The following HMCN1 variants were observed in gnomAD, a reference collection of about 807,000 sequenced individuals.
HMCN1 encodes the protein hemicentin-1.
A neutral mutation model predicts 625.9 loss-of-function variants in HMCN1; 321 were observed. The ratio of observed to expected loss-of-function variants is 0.51; its 90% CI spans 0.47 to 0.56. The LOEUF (loss-of-function observed/expected upper bound fraction) is 0.56, where lower values mean the gene tolerates loss of function less well. Among genes scored for constraint, HMCN1 ranks in the 20% least tolerant of loss-of-function variants. The pLI, the probability that HMCN1 is intolerant of heterozygous loss-of-function variation, is 0.00. For missense variants in HMCN1, 6,588 were observed against 6,887.3 expected, an observed-to-expected ratio of 0.96 and a Z score of 1.54; for synonymous variants, 2,425 against 2,417.6, an observed-to-expected ratio of 1.00 and a Z score of -0.09.
intron 1 of HMCN1, among the ~76,000 whole-genome samples, chr1:185,832,357 A>G (rs1405452126): frequency 6.6e-6 from 1 of 152,160 alleles, no homozygotes; most frequent in Non-Finnish European, 1.5e-5. Context: ...GGCCAGAAAA[A>G]TTTAGCAAAA....
At chr1:186,117,662 A>T (rs1661200587) in intron 77 of HMCN1, 39 bp downstream of exon 77, 1 of 1,582,584 alleles carries the variant, frequency 6.3e-7, no homozygotes, top group African/African-American at 1.3e-5. Flanking sequence ...TATTGATTGT[A>T]TTATTTATTG....
intron 86 of HMCN1, among the ~76,000 whole-genome samples, chr1:186,134,534 G>A (rs1649475620): frequency 6.6e-6 from 1 of 152,096 alleles, no homozygotes; most frequent in Admixed American, 6.6e-5. Context: ...ATTGTGTAGG[G>A]TGATGAGCAT....
At chr1:186,177,794 T>C (rs1261759043) in intron 103 of HMCN1, among the ~76,000 whole-genome samples, 1 of 152,138 alleles carries the variant, frequency 6.6e-6, no homozygotes, top group African/African-American at 2.4e-5. Context: ...TGTACACGTA[T>C]GATTGTATTA....
At chr1:185,948,020 A>C (rs1668432023) in intron 11 of HMCN1, among the ~76,000 whole-genome samples, 1 of 152,228 alleles carries the variant, frequency 6.6e-6, no homozygotes, top group African/African-American at 2.4e-5. Context: ...CAGTAGGCAC[A>C]CTGTTAGGAT....
chr1:185,974,117 T>C (rs1314577536), intron 15 of HMCN1, among the ~76,000 whole-genome samples: 1 of 152,214 alleles, frequency 6.6e-6, no homozygotes, highest in Non-Finnish European at 1.5e-5. Context: ...AGCAAAGTTA[T>C]ACTGTGGCAT....
At chr1:185,983,150 A>G (rs1456248257) in intron 18 of HMCN1, among the ~76,000 whole-genome samples, 1 of 152,124 alleles carries the variant, frequency 6.6e-6, no homozygotes. Context: ...GTAGATATAT[A>G]TTGTCATTGT....
At chr1:185,989,230 T>C (rs1268264930) in intron 20 of HMCN1, among the ~76,000 whole-genome samples, 3 of 151,970 alleles carry the variant, frequency 2.0e-5, no homozygotes, top group Non-Finnish European at 4.4e-5. Flanking sequence ...CTCCTGACCT[T>C]GTGATCTGCC....
chr1:185,998,444 A>G (rs1361966207), intron 25 of HMCN1, among the ~76,000 whole-genome samples: 1 of 152,182 alleles, frequency 6.6e-6, no homozygotes, highest in African/African-American at 2.4e-5. Context: ...CAAGCTTTTC[A>G]GATACCTAAA....
At chr1:185,889,739 A>T (rs1483013413) in intron 4 of HMCN1, among the ~76,000 whole-genome samples, 1 of 141,340 alleles carries the variant, frequency 7.1e-6, no homozygotes, top group Non-Finnish European at 1.5e-5. Context: ...TTTTTGCATC[A>T]ACGTTCATCA....
chr1:185,951,220 G>T (rs1668649250), intron 11 of HMCN1, among the ~76,000 whole-genome samples: 1 of 151,174 alleles, frequency 6.6e-6, no homozygotes, highest in Admixed American at 6.6e-5. Flanking sequence ...TATAGCTGTA[G>T]TCCAGGAATA....
intron 2 of HMCN1, among the ~76,000 whole-genome samples, chr1:185,850,098 G>T (rs1033049493): frequency 1.3e-5 from 2 of 152,154 alleles, no homozygotes; most frequent in African/African-American, 2.4e-5. Context: ...GAGCCCTGTA[G>T]CTCGTATTAA....
chr1:186,010,369 T>C (rs1653920997), intron 30 of HMCN1, among the ~76,000 whole-genome samples: 2 of 152,218 alleles, frequency 1.3e-5, no homozygotes, highest in African/African-American at 4.8e-5. Flanking sequence ...AAGTGAAATA[T>C]TTATGTATTT....
At chr1:185,810,572 T>G (rs192456119) in intron 1 of HMCN1, among the ~76,000 whole-genome samples, 1 of 152,198 alleles carries the variant, frequency 6.6e-6, no homozygotes, top group East Asian at 1.9e-4. Flanking sequence ...TGTAGTAAAA[T>G]GGACTCGATT....
chr1:185,928,737 C>G, intron 10 of HMCN1, 70 bp downstream of exon 10: 1 of 1,508,582 alleles, frequency 6.6e-7, no homozygotes, highest in Non-Finnish European at 9.2e-7. Flanking sequence ...TGTTTGTTAA[C>G]CAGTTTGTGT....
chr1:185,761,111 T>C (rs575934708), intron 1 of HMCN1, among the ~76,000 whole-genome samples: 1 of 152,080 alleles, frequency 6.6e-6, no homozygotes, highest in South Asian at 2.1e-4. Flanking sequence ...TAGTAAGACT[T>C]GGGGGAAGGG....
chr1:186,071,206 TG>T (rs1658462248), intron 52 of HMCN1, among the ~76,000 whole-genome samples: 1 of 152,158 alleles, frequency 6.6e-6, no homozygotes, highest in Admixed American at 6.6e-5. Flanking sequence ...AGGTATAACA[TG>T]GGTACTAAAT....
chr1:185,850,200 T>C (rs1249351348), intron 2 of HMCN1, among the ~76,000 whole-genome samples: 2 of 152,210 alleles, frequency 1.3e-5, no homozygotes, highest in Non-Finnish European at 2.9e-5. Flanking sequence ...AGGTGGCTTC[T>C]TTTAAAAATG....
chr1:186,065,095 T>C (rs1658020830), intron 48 of HMCN1, 143 bp from the exon 49 acceptor site: 5 of 624,056 alleles, frequency 8.0e-6, no homozygotes, highest in Non-Finnish European at 1.4e-5. Context: ...TTAGCTTGCA[T>C]AGTTATTTTT....
At chr1:186,079,374 C>T (rs1571319697) in intron 55 of HMCN1, among the ~76,000 whole-genome samples, 1 of 152,122 alleles carries the variant, frequency 6.6e-6, no homozygotes, top group African/African-American at 2.4e-5. Context: ...TAGTATTACT[C>T]TCTCTCTCTG....
Sources: gnomAD v4.1 joint callset for allele counts (sites outside exome capture counted in the v4.1 genomes callset) on GRCh38, gnomAD v4.1.1 for gene constraint, MANE v1.5 for transcripts, NCBI Gene and HGNC (gene_info 2026-07-23, HGNC 2026-07-21) for gene names.